The following COQ5 variants were observed in gnomAD, a reference collection of about 807,000 sequenced individuals.
COQ5 encodes 2-methoxy-6-polyprenyl-1,4-benzoquinol methylase, mitochondrial.
In COQ5, 27 loss-of-function variants were observed where a neutral mutation model predicts 40.5. The ratio of observed to expected loss-of-function variants is 0.67; its 90% confidence interval spans 0.49 to 0.92. The LOEUF is 0.92. COQ5 is among the 40% of genes least tolerant of loss of function. The pLI, the probability that COQ5 is intolerant of heterozygous loss-of-function variation, is 0.00. For missense variants in COQ5, 409 were observed against 406.4 expected (o/e 1.01, Z -0.06); for synonymous variants, 141 against 150.0 (o/e 0.94, Z 0.44).
chr12:120,510,783 G>C (rs961315110), intron 3 of COQ5, among the ~76,000 whole-genome samples: 2 of 152,132 alleles, frequency 1.3e-5, no homozygotes, highest in African/African-American at 2.4e-5. Context: ...AGCGTGTCTA[G>C]GTCTGAGATT....
intron 1 of COQ5, 147 bp from the exon 2 acceptor site, chr12:120,522,510 C>T (rs1869716134): frequency 2.7e-6 from 2 of 747,664 alleles, no homozygotes; most frequent in East Asian, 2.5e-5. Flanking sequence ...CCCAAATCTA[C>T]ACCTTAACAT....
intron 1 of COQ5, among the ~76,000 whole-genome samples, chr12:120,524,835 T>C (rs1424203094): frequency 3.9e-5 from 6 of 152,088 alleles, no homozygotes; most frequent in Non-Finnish European, 8.8e-5. Flanking sequence ...TAAATTTTTT[T>C]TGGGACGGAG....
chr12:120,508,023 G>C (rs1447110267), intron 4 of COQ5, among the ~76,000 whole-genome samples: 1 of 151,968 alleles, frequency 6.6e-6, no homozygotes. Context: ...TTGAGGTGGA[G>C]TCTCACTCTG....
Position 120,528,987 on chromosome 12 carries a change from G to A in COQ5, c.155C>T (p.Thr52Met). The A allele has an allele frequency of 6.2e-7, 1 of 1,614,026 alleles. No homozygotes were observed. ...LLSQEKRAAE[T>M]HFGFETVSEE... ...CGACACAGTCTCAAACCCAAAGTGCGTTTCCGCTGCCCGCTTCTCTTGGGA... is the reference window on the plus strand; with the variant it reads ...CGACACAGTCTCAAACCCAAAGTGCATTTCCGCTGCCCGCTTCTCTTGGGA... Residue 52 changes from threonine to methionine, a missense_variant, in exon 1 of 7, where the codon ACG becomes ATG. Transcript: ENST00000288532.
At chr12:120,526,839 G>A (rs112638868) in intron 1 of COQ5, 25,890 of 160,796 alleles carry the variant, frequency 0.16, 2,623 homozygotes, top group African/African-American at 0.31. Flanking sequence ...CTCAGCCTCC[G>A]GAGTAGCTGG....
intron 2 of COQ5, 106 bp downstream of exon 2, chr12:120,522,108 A>G (rs1869689715): frequency 2.0e-5 from 23 of 1,162,366 alleles, no homozygotes; most frequent in Non-Finnish European, 2.9e-5. Context: ...GCAGATTTTC[A>G]ATCACCATCT....
chr12:120,525,505 A>T (rs1869893543), intron 1 of COQ5, among the ~76,000 whole-genome samples: 2 of 152,056 alleles, frequency 1.3e-5, no homozygotes, highest in African/African-American at 4.8e-5. Flanking sequence ...AGTGCCAGCT[A>T]CTCGGGGGGC....
At chr12:120,517,516 CAA>C (rs34585711) in intron 2 of COQ5, among the ~76,000 whole-genome samples, 47 of 127,694 alleles carry the variant, frequency 3.7e-4, no homozygotes, top group Middle Eastern at 4.3e-3. Flanking sequence ...TAAAAAAATA[CAA>C]AAAAAAAAAA....
Position 120,516,622 on chromosome 12 carries a change from G to C in COQ5, c.519C>G (p.Asn173Lys), listed in dbSNP as rs1565931466. The C allele has an allele frequency of 6.2e-7, 1 of 1,614,112 alleles. No individual in the cohort carries two copies. The highest frequency in any genetic ancestry group is 1.7e-5 in the Admixed American group (1 of 60,006). Residue 173 changes from asparagine to lysine, a missense_variant, in exon 3 of 7, where the codon AAC becomes AAG. Physicochemically the swap from Asn to Lys is moderately conservative, Grantham distance 94 (BLOSUM62 0). Transcript: ENST00000288532. ...GCTTTCCAACCTTTAGCATCTCCTTGTTGATGTCACACACCACGACACGAG... is the reference window on the plus strand; with the variant it reads ...GCTTTCCAACCTTTAGCATCTCCTTCTTGATGTCACACACCACGACACGAG... ...GGSRVVVCDI[N>K]KEMLKVGKQK... is the part of the protein sequence containing the mutation.
chr12:120,517,792 CTA>C (rs1228051679), intron 2 of COQ5, among the ~76,000 whole-genome samples: 1 of 150,328 alleles, frequency 6.7e-6, no homozygotes, highest in Non-Finnish European at 1.5e-5. Context: ...CCTCTCTTTT[CTA>C]TATTTCCTTT....
chr12:120,506,716 G>C (rs1868899985), intron 4 of COQ5, among the ~76,000 whole-genome samples: 2 of 152,108 alleles, frequency 1.3e-5, no homozygotes, highest in South Asian at 4.1e-4. Flanking sequence ...AAGAAAAGTA[G>C]TTTTGAAAGG....
At chr12:120,510,591 G>A (rs543828547) in intron 3 of COQ5, among the ~76,000 whole-genome samples, 1 of 152,314 alleles carries the variant, frequency 6.6e-6, no homozygotes, top group East Asian at 1.9e-4. Context: ...TGGAATTACA[G>A]ATGTGAGCCA....
At chr12:120,511,880 T>C (rs1306761642) in intron 3 of COQ5, among the ~76,000 whole-genome samples, 1 of 152,194 alleles carries the variant, frequency 6.6e-6, no homozygotes, top group Non-Finnish European at 1.5e-5. Flanking sequence ...ATTGGTTATA[T>C]GAATCATGAA....
Position 120,504,012 on chromosome 12 carries a change from G to A in COQ5, c.840C>T (p.Ser280=). The A allele has an allele frequency of 6.2e-7, 1 of 1,613,734 alleles. No homozygotes were observed. Among genetic ancestry groups the A allele is most frequent in the Non-Finnish European group, 8.5e-7 (1 of 1,179,632 alleles). Residue 280 remains serine (S), a synonymous_variant, in exon 6 of 7, where the codon TCC becomes TCT. Coordinates refer to ENST00000288532, the MANE Select transcript of COQ5 (RefSeq NM_032314.4). ...LGEVIAGDWK[S]YQYLVESIRR... is the part of the protein sequence containing the mutation. ...GGATACTCTCTACAAGGTACTGATA[G>A]GACTTCCAGTCTCCAGCGATGACCT...
intron 2 of COQ5, among the ~76,000 whole-genome samples, chr12:120,522,011 T>C (rs79675936): frequency 6.6e-6 from 1 of 151,018 alleles, no homozygotes; most frequent in African/African-American, 2.4e-5. Context: ...AAAAAAAAAG[T>C]GACAGGCACA....
chr12:120,510,027 T>G lies in COQ5; in HGVS notation c.671A>C (p.His224Pro). The change falls in exon 4 of 7, where the codon CAC (histidine) becomes CCC (proline). Residue 224 changes from histidine (H) to proline (P), a missense_variant. Coordinates refer to ENST00000288532, the MANE Select transcript of COQ5 (RefSeq NM_032314.4). ...TGCAGCCATTCATACCTGATCAATG[T>G]GTGTGACATTCCGGATCCCAAAGGC... ...TIAFGIRNVTHIDQALQEAHR... is the reference protein window; with the variant it reads ...TIAFGIRNVTPIDQALQEAHR... 6.2e-7 allele frequency: 1 copy of G among 1,613,394 alleles called. No homozygotes were observed. Among genetic ancestry groups the G allele is most frequent in the Non-Finnish European group, 8.5e-7 (1 of 1,179,308 alleles).
At chr12:120,516,975 C>G (rs1383963099) in intron 2 of COQ5, among the ~76,000 whole-genome samples, 187 bp from the exon 3 acceptor site, 1 of 152,208 alleles carries the variant, frequency 6.6e-6, no homozygotes, top group Non-Finnish European at 1.5e-5. Context: ...ACTCCATCAC[C>G]CTAGCTGGAG....
chr12:120,528,620 G>A (rs1174529254), intron 1 of COQ5, among the ~76,000 whole-genome samples: 1 of 152,008 alleles, frequency 6.6e-6, no homozygotes, highest in East Asian at 1.9e-4. Flanking sequence ...AGACCAGCCT[G>A]GTGAAACCCC....
intron 2 of COQ5, 28 bp from the exon 3 acceptor site, chr12:120,516,816 G>A (rs374460303): frequency 1.6e-4 from 247 of 1,583,600 alleles, no homozygotes; most frequent in Non-Finnish European, 2.0e-4. Context: ...GAGGAAAGAT[G>A]CAGACTAAAA....
Sources: allele counts gnomAD v4.1 joint callset (sites outside exome capture counted in the v4.1 genomes callset), GRCh38; gene constraint gnomAD v4.1.1; transcripts MANE v1.5; gene names NCBI Gene and HGNC (gene_info 2026-07-23, HGNC 2026-07-21).